Variants in CHRM3 observed in about 807,000 individuals in gnomAD.
CHRM3 encodes the protein muscarinic acetylcholine receptor M3.
Under a neutral mutation model 41.8 loss-of-function variants are expected in CHRM3, and 11 were observed. The ratio of observed to expected loss-of-function variants is 0.26; its 90% CI spans 0.17 to 0.44. The LOEUF (loss-of-function observed/expected upper bound fraction) is 0.44, where lower values mean the gene tolerates loss of function less well. Ranked by LOEUF, CHRM3 falls within the 20% of genes least tolerant of loss-of-function variation. The probability of loss-of-function intolerance (pLI) is 1.00; values close to 1 mark genes in which losing one functional copy is unlikely to be tolerated. For missense variants in CHRM3, 571 were observed against 745.4 expected (o/e 0.77, Z 2.72); for synonymous variants, 297 against 301.4 (o/e 0.99, Z 0.15).
intron 5 of CHRM3, among the ~76,000 whole-genome samples, chr1:239,795,936 G>A (rs772833316): frequency 4.6e-5 from 7 of 152,098 alleles, no homozygotes; most frequent in Non-Finnish European, 7.4e-5. Flanking sequence ...AGGGTGTAAG[G>A]GGACTTTATG....
chr1:239,529,609 C>CAAAAAAA (rs74990447), intron 2 of CHRM3, among the ~76,000 whole-genome samples: 30 of 110,778 alleles, frequency 2.7e-4, no homozygotes, highest in Admixed American at 3.0e-4. Context: ...GACTCCGTCT[C>CAAAAAAA]AAAAAAAAAA....
At chr1:239,551,343 G>T (rs894904439) in intron 3 of CHRM3, among the ~76,000 whole-genome samples, 2 of 151,120 alleles carry the variant, frequency 1.3e-5, no homozygotes, top group Non-Finnish European at 2.9e-5. Context: ...TGTATTTTTG[G>T]TAGAGACGGG....
At chr1:239,847,840 G>A (rs539500270) in intron 6 of CHRM3, among the ~76,000 whole-genome samples, 10 of 152,068 alleles carry the variant, frequency 6.6e-5, no homozygotes, top group South Asian at 2.1e-4. Context: ...GCTTGAGCCC[G>A]GGATGTTGAG....
At chr1:239,829,341 C>G (rs186046669) in intron 6 of CHRM3, among the ~76,000 whole-genome samples, 5 of 152,060 alleles carry the variant, frequency 3.3e-5, no homozygotes, top group African/African-American at 4.8e-5. Context: ...AAAGATTTTC[C>G]CAGTTGGTAC....
At chr1:239,696,431 A>G (rs1660198737) in intron 5 of CHRM3, among the ~76,000 whole-genome samples, 1 of 152,112 alleles carries the variant, frequency 6.6e-6, no homozygotes, top group African/African-American at 2.4e-5. Context: ...CCTAGGGTTC[A>G]TCACTCACCT....
At chr1:239,470,860 T>C (rs528283169) in intron 1 of CHRM3, among the ~76,000 whole-genome samples, 1 of 152,358 alleles carries the variant, frequency 6.6e-6, no homozygotes, top group African/African-American at 2.4e-5. Context: ...TCAGTATTTT[T>C]TTTTAAATCC....
intron 5 of CHRM3, among the ~76,000 whole-genome samples, chr1:239,734,637 A>G (rs1572132423): frequency 2.6e-5 from 4 of 152,258 alleles, no homozygotes; most frequent in African/African-American, 9.6e-5. Context: ...TGATGATAAC[A>G]TTTATTATAT....
At chr1:239,669,179 C>T (rs576584490) in intron 4 of CHRM3, among the ~76,000 whole-genome samples, 29 of 152,168 alleles carry the variant, frequency 1.9e-4, no homozygotes, top group African/African-American at 6.3e-4. Context: ...CAGCGTTCCC[C>T]GAAGTTAGGC....
intron 2 of CHRM3, among the ~76,000 whole-genome samples, chr1:239,507,565 G>A (rs558960325): frequency 1.3e-5 from 2 of 152,310 alleles, no homozygotes; most frequent in East Asian, 1.9e-4. Flanking sequence ...ATACAATGAT[G>A]ATGATTATAT....
At chr1:239,458,369 G>A (rs1022666886) in intron 1 of CHRM3, among the ~76,000 whole-genome samples, 6 of 152,104 alleles carry the variant, frequency 3.9e-5, no homozygotes, top group African/African-American at 9.7e-5. Context: ...GCTGTGTTTC[G>A]GGAAGTGGTG....
At position 239,708,077 on chromosome 1, in the gene CHRM3, A is replaced by T. The variant is rs535079619; in HGVS notation, c.-147+29789A>T. Among the ~76,000 whole-genome samples, 4 of 152,346 alleles carry T rather than the reference A, an allele frequency of 2.6e-5. No individual in the cohort carries two copies. In the South Asian group the frequency reaches 8.3e-4, roughly 32 times the overall value. On this transcript the variant is annotated intron_variant, in intron 5 of 6. Coordinates refer to ENST00000676153, the MANE Select transcript of CHRM3 (RefSeq NM_001375978.1). ...TAAGTGAATGTGCTAATTCTGCAAC[A>T]TGGGAGAAGACGTGGCCTGAAGGAT...
At chr1:239,427,235 G>A (rs1283652345) in intron 1 of CHRM3, among the ~76,000 whole-genome samples, 1 of 152,104 alleles carries the variant, frequency 6.6e-6, no homozygotes, top group Non-Finnish European at 1.5e-5. Context: ...TAATTAAGGA[G>A]AATTTGATGA....
intron 1 of CHRM3, among the ~76,000 whole-genome samples, chr1:239,432,297 G>A (rs1662896656): frequency 6.6e-6 from 1 of 152,002 alleles, no homozygotes; most frequent in African/African-American, 2.4e-5. Flanking sequence ...GTTTTTTGTT[G>A]GTAACTTCTC....
intron 5 of CHRM3, among the ~76,000 whole-genome samples, chr1:239,781,206 T>A (rs1215147624): frequency 1.3e-5 from 2 of 152,152 alleles, no homozygotes; most frequent in Non-Finnish European, 2.9e-5. Context: ...GTAACTGACA[T>A]CTGGACAATA....
chr1:239,493,527 G>A (rs1451605809), intron 2 of CHRM3, among the ~76,000 whole-genome samples: 1 of 152,108 alleles, frequency 6.6e-6, no homozygotes, highest in African/African-American at 2.4e-5. Flanking sequence ...ATTGTTTCTT[G>A]AAAACTTTTT....
intron 6 of CHRM3, among the ~76,000 whole-genome samples, chr1:239,847,193 T>C (rs894395959): frequency 2.0e-5 from 3 of 152,318 alleles, no homozygotes; most frequent in African/African-American, 7.2e-5. Flanking sequence ...AAGGAGACTT[T>C]CCAGAAGTAG....
intron 3 of CHRM3, among the ~76,000 whole-genome samples, chr1:239,588,032 A>T (rs1027445632): frequency 6.6e-6 from 1 of 152,246 alleles, no homozygotes; most frequent in African/African-American, 2.4e-5. Flanking sequence ...TGAGCTACAC[A>T]TCGCTCTGCT....
At chr1:239,666,491 C>T (rs1673819683) in intron 4 of CHRM3, among the ~76,000 whole-genome samples, 1 of 152,100 alleles carries the variant, frequency 6.6e-6, no homozygotes, top group Non-Finnish European at 1.5e-5. Flanking sequence ...CGAGCCCGGC[C>T]TGTTACTTAT....
chr1:239,599,042 C>T (rs954875139), intron 3 of CHRM3, among the ~76,000 whole-genome samples: 1 of 152,142 alleles, frequency 6.6e-6, no homozygotes, highest in African/African-American at 2.4e-5. Context: ...AAAGAGATCC[C>T]TCCCTTAATC....
Sources: gnomAD v4.1 joint callset for allele counts (sites outside exome capture counted in the v4.1 genomes callset) on GRCh38, gnomAD v4.1.1 for gene constraint, MANE v1.5 for transcripts, NCBI Gene and HGNC (gene_info 2026-07-23, HGNC 2026-07-21) for gene names.